LEKR1: variants seen among roughly 807,000 people sequenced by gnomAD.
The protein encoded by LEKR1 is protein LEKR1.
In LEKR1, 59 loss-of-function variants were observed where a neutral mutation model predicts 72.4. The ratio of observed to expected loss-of-function variants is 0.82; its 90% CI spans 0.66 to 1.01. The LOEUF (loss-of-function observed/expected upper bound fraction) is 1.01, where lower values mean the gene tolerates loss of function less well. Ranked by LOEUF, LEKR1 falls within the 50% of genes least tolerant of loss-of-function variation. LEKR1 has a pLI of 0.00. For missense variants in LEKR1, 728 were observed against 759.2 expected (o/e 0.96, Z 0.48); for synonymous variants, 257 against 263.2 (o/e 0.98, Z 0.23).
At chr3:156,950,424 G>A (rs573528163) in intron 6 of LEKR1, among the ~76,000 whole-genome samples, 1 of 151,428 alleles carries the variant, frequency 6.6e-6, no homozygotes, top group East Asian at 1.9e-4. Flanking sequence ...AAATTGCTTT[G>A]GGCAGTATGG....
intron 3 of LEKR1, among the ~76,000 whole-genome samples, chr3:156,858,564 C>T (rs1330861583): frequency 6.6e-6 from 1 of 151,484 alleles, no homozygotes; most frequent in East Asian, 1.9e-4. Flanking sequence ...ACCCCAGACA[C>T]TTGGGAGGCT....
Position 156,942,550 on chromosome 3 carries a change from G to A in LEKR1, c.581G>A (p.Ser194Asn), listed in dbSNP as rs1726307529. ...ALTEIDILNK[S>N]LTVSQRNKVC... The stretch of plus-strand genomic sequence containing the variant: ...ACAGAAATAGACATACTGAATAAAA[G>A]TTTGACAGTATCCCAGAGAAATAAA... Residue 194 changes from serine (S) to asparagine (N), a missense_variant, in exon 6 of 13, where the codon AGT becomes AAT. By Grantham distance (46) the Ser-to-Asn change is conservative. Transcript: ENST00000356539. 8.1e-7 allele frequency: 1 copy of A among 1,240,714 alleles called. No homozygotes were observed. The highest frequency in any genetic ancestry group is 6.1e-5 in the East Asian group (1 of 16,276). The allele number at this position is 1,240,714 out of a possible 1,614,324, so 76.9% of individuals were successfully genotyped here. A position where few individuals can be genotyped will look rare whatever the true frequency, so the allele number is the denominator to read the frequency against.
intron 9 of LEKR1, among the ~76,000 whole-genome samples, chr3:157,000,877 A>G (rs1265023517): frequency 1.3e-5 from 2 of 152,204 alleles, no homozygotes; most frequent in African/African-American, 4.8e-5. Flanking sequence ...AGGTAATTGA[A>G]TCGTGGGGGC....
chr3:156,933,678 T>G (rs1026973772), intron 5 of LEKR1, among the ~76,000 whole-genome samples: 1 of 152,216 alleles, frequency 6.6e-6, no homozygotes, highest in African/African-American at 2.4e-5. Context: ...TTTACATTTG[T>G]GTTGCATTAT....
intron 10 of LEKR1, among the ~76,000 whole-genome samples, chr3:157,017,142 T>C (rs544989842): frequency 3.5e-4 from 53 of 152,322 alleles, no homozygotes; most frequent in African/African-American, 1.1e-3. Flanking sequence ...ACAGTCTCTG[T>C]CACAACCATT....
At chr3:156,903,095 A>T (rs1325035532) in intron 3 of LEKR1, among the ~76,000 whole-genome samples, 1 of 152,050 alleles carries the variant, frequency 6.6e-6, no homozygotes, top group Non-Finnish European at 1.5e-5. Context: ...CTATATTTAG[A>T]TCTATTTCTT....
chr3:156,928,934 C>T (rs1363741168), intron 5 of LEKR1, among the ~76,000 whole-genome samples: 2 of 151,924 alleles, frequency 1.3e-5, no homozygotes, highest in Non-Finnish European at 2.9e-5. Flanking sequence ...CCACAATGTT[C>T]AGTATACAAT....
intron 3 of LEKR1, among the ~76,000 whole-genome samples, chr3:156,856,413 C>T (rs908010811): frequency 6.6e-6 from 1 of 152,046 alleles, no homozygotes; most frequent in South Asian, 2.1e-4. Context: ...TTCAGGTTAC[C>T]CTGGCTTTTT....
chr3:157,035,557 T>TA (rs1405626227), intron 12 of LEKR1, among the ~76,000 whole-genome samples: 1 of 151,980 alleles, frequency 6.6e-6, no homozygotes, highest in East Asian at 1.9e-4. Context: ...TTAATAGCCA[T>TA]AAAAAAAGAA....
At chr3:157,020,008 A>G (rs1733682866) in intron 10 of LEKR1, among the ~76,000 whole-genome samples, 1 of 152,178 alleles carries the variant, frequency 6.6e-6, no homozygotes, top group Non-Finnish European at 1.5e-5. Flanking sequence ...AAACAAAGCT[A>G]GTAATAGTCA....
At chr3:156,989,409 A>G (rs1730973148) in intron 7 of LEKR1, among the ~76,000 whole-genome samples, 1 of 152,180 alleles carries the variant, frequency 6.6e-6, no homozygotes, top group African/African-American at 2.4e-5. Context: ...TAAGGCTTTT[A>G]ATGCATAATA....
chr3:156,841,123 G>C (rs773089128), intron 2 of LEKR1, among the ~76,000 whole-genome samples: 7 of 152,180 alleles, frequency 4.6e-5, no homozygotes, highest in Non-Finnish European at 8.8e-5. Flanking sequence ...GAAGAAGGCA[G>C]AAAGAGGAAT....
At chr3:157,030,295 C>T (rs1428338017) in intron 12 of LEKR1, among the ~76,000 whole-genome samples, 1 of 152,146 alleles carries the variant, frequency 6.6e-6, no homozygotes, top group Non-Finnish European at 1.5e-5. Context: ...GGCCCCACCT[C>T]CAACATTGAG....
chr3:156,844,063 A>G (rs756350534), intron 2 of LEKR1, among the ~76,000 whole-genome samples: 1 of 152,186 alleles, frequency 6.6e-6, no homozygotes, highest in Non-Finnish European at 1.5e-5. Flanking sequence ...CCAACTGACC[A>G]TAGAAGGTCA....
chr3:156,901,985 A>G (rs1003940493), intron 3 of LEKR1, among the ~76,000 whole-genome samples: 4 of 152,132 alleles, frequency 2.6e-5, no homozygotes, highest in East Asian at 1.9e-4. Flanking sequence ...CACCAGGCCA[A>G]TGATTCTTTT....
intron 2 of LEKR1, among the ~76,000 whole-genome samples, chr3:156,839,901 A>G (rs942709044): frequency 5.3e-5 from 8 of 152,172 alleles, no homozygotes; most frequent in Non-Finnish European, 8.8e-5. Flanking sequence ...AAGTTATGAC[A>G]TATTTCCTCA....
intron 1 of LEKR1, among the ~76,000 whole-genome samples, chr3:156,827,708 C>T (rs1711816543): frequency 6.6e-6 from 1 of 152,064 alleles, no homozygotes. Flanking sequence ...TTTTTAGTTT[C>T]CCCCCGATAA....
chr3:156,843,019 C>T (rs1220453846), intron 2 of LEKR1, among the ~76,000 whole-genome samples: 1 of 152,176 alleles, frequency 6.6e-6, no homozygotes, highest in African/African-American at 2.4e-5. Flanking sequence ...TAAATCTGTT[C>T]TCTCTCCAGG....
At position 157,003,482 on chromosome 3, in the gene LEKR1, G is replaced by C. The variant is rs559986238; in HGVS notation, c.1110-7931G>C. ...TTAAGGGGGTAAAATCAAGGTGTCA[G>C]CAGGGCTGGTTCCCTCTGCAGGATC... On this transcript the variant is annotated intron_variant, in intron 9 of 12. Coordinates refer to ENST00000356539, the MANE Select transcript of LEKR1 (RefSeq NM_001004316.3). Among the ~76,000 whole-genome samples the C allele has an allele frequency of 3.3e-5, 5 of 152,278 alleles. No homozygotes were observed. In the South Asian group the frequency reaches 1.0e-3, roughly 32 times the overall value.
Sources: gnomAD v4.1 joint callset for allele counts (sites outside exome capture counted in the v4.1 genomes callset) on GRCh38, gnomAD v4.1.1 for gene constraint, MANE v1.5 for transcripts, NCBI Gene and HGNC (gene_info 2026-07-23, HGNC 2026-07-21) for gene names.